The following DNAH5 variants were observed in gnomAD, a reference collection of about 807,000 sequenced individuals.
DNAH5 encodes the protein axonemal beta dynein heavy chain 5.
In DNAH5, 372 loss-of-function variants were observed where a neutral mutation model predicts 518.2. The ratio of observed to expected loss-of-function variants is 0.72; its 90% confidence interval spans 0.66 to 0.78. The LOEUF is 0.78. Ranked by LOEUF, DNAH5 falls within the 30% of genes least tolerant of loss-of-function variation. DNAH5 has a pLI of 0.00. For synonymous variants in DNAH5, 2,039 were observed against 2,025.9 expected (o/e 1.01, Z -0.17); for missense variants, 5,523 against 5,687.0 (o/e 0.97, Z 0.93).
chr5:14,005,678 G>T (rs1424799283), intron 1 of DNAH5, among the ~76,000 whole-genome samples: 1 of 152,142 alleles, frequency 6.6e-6, no homozygotes, highest in Non-Finnish European at 1.5e-5. Context: ...CCAAAAATAT[G>T]GTGTTTTATT....
At position 13,894,795 on chromosome 5, in the gene DNAH5, C is replaced by T. The variant is rs759849155; in HGVS notation, c.2286G>A (p.Val762=). 1.1e-5 allele frequency: 18 copies of T among 1,613,964 alleles called. No homozygotes were observed. Among genetic ancestry groups the T allele is most frequent in the Non-Finnish European group, 1.4e-5 (17 of 1,179,922 alleles). The change falls in exon 16 of 79, where the codon GTG becomes GTA. Residue 762 remains valine (V), a synonymous_variant. Coordinates refer to ENST00000265104, the MANE Select transcript of DNAH5 (RefSeq NM_001369.3). ...CAATGGCAGCAGGTATTTTTGACTT[C>T]ACTCTCTGATATTCAGCTAGCATCA... ...MKMMLAEYQR[V]KSKIPAAIEQ...
intron 22 of DNAH5, among the ~76,000 whole-genome samples, chr5:13,872,063 G>A (rs891472826): frequency 1.3e-5 from 2 of 152,256 alleles, no homozygotes; most frequent in Admixed American, 1.3e-4. Context: ...TTGGAGCTGG[G>A]CCTTAGATCA....
At chr5:13,731,326 T>C (rs1746516214) in intron 68 of DNAH5, among the ~76,000 whole-genome samples, 1 of 152,246 alleles carries the variant, frequency 6.6e-6, no homozygotes, top group Non-Finnish European at 1.5e-5. Flanking sequence ...CCTTAGCAAC[T>C]GTCCATTTTC....
At chr5:13,808,935 G>A in intron 46 of DNAH5, 109 bp downstream of exon 46, 1 of 1,381,010 alleles carries the variant, frequency 7.2e-7, no homozygotes, top group South Asian at 1.2e-5. Flanking sequence ...ACTCCAGCCT[G>A]GGCGACAGAG....
chr5:13,732,319 C>G (rs1746703146), intron 68 of DNAH5, among the ~76,000 whole-genome samples: 1 of 152,186 alleles, frequency 6.6e-6, no homozygotes, highest in South Asian at 2.1e-4. Flanking sequence ...TCATAGAAGA[C>G]CATATTCTCA....
intron 17 of DNAH5, among the ~76,000 whole-genome samples, chr5:13,890,291 C>CA (rs1773021098): frequency 2.6e-5 from 4 of 151,766 alleles, no homozygotes; most frequent in Admixed American, 2.6e-4. Flanking sequence ...CCTGTAGTCC[C>CA]AGCTACTCGG....
At chr5:13,782,198 G>A (rs937262939) in intron 52 of DNAH5, among the ~76,000 whole-genome samples, 17 of 152,170 alleles carry the variant, frequency 1.1e-4, no homozygotes, top group African/African-American at 4.1e-4. Flanking sequence ...ACTGGAAGGG[G>A]TCACTTCTCC....
chr5:13,847,850 T>C (rs1653765525), intron 31 of DNAH5, among the ~76,000 whole-genome samples: 1 of 152,112 alleles, frequency 6.6e-6, no homozygotes, highest in South Asian at 2.1e-4. Context: ...AACTCAGCTG[T>C]AGGTAGTCCA....
intron 1 of DNAH5, among the ~76,000 whole-genome samples, chr5:14,000,783 C>T (rs943144057): frequency 2.0e-5 from 3 of 152,160 alleles, no homozygotes; most frequent in South Asian, 2.1e-4. Flanking sequence ...CCAGCAATCC[C>T]GTTACTGAGT....
intron 34 of DNAH5, among the ~76,000 whole-genome samples, 183 bp from the exon 35 acceptor site, chr5:13,839,711 T>C (rs925657137): frequency 2.0e-5 from 3 of 152,126 alleles, no homozygotes; most frequent in Non-Finnish European, 4.4e-5. Flanking sequence ...AAAAAGAAAC[T>C]AGAAGATATA....
intron 22 of DNAH5, among the ~76,000 whole-genome samples, chr5:13,872,339 GTATAA>G (rs1770244539): frequency 6.6e-6 from 1 of 152,168 alleles, no homozygotes; most frequent in Non-Finnish European, 1.5e-5. Context: ...CACATAAAAT[GTATAA>G]TTCATATAAC....
intron 1 of DNAH5, among the ~76,000 whole-genome samples, chr5:14,002,403 C>T (rs1255719574): frequency 6.6e-6 from 1 of 151,676 alleles, no homozygotes; most frequent in Non-Finnish European, 1.5e-5. Context: ...CATAAATGTA[C>T]TTTTAAAGTT....
In DNAH5 at chr5:13,692,081, G is replaced by A. The variant is rs142036266; in HGVS notation, c.13778C>T (p.Thr4593Met). ...SCPIYKKPVR[T>M]DLNYIAAVDL... ...CACAGCGGCAATGTAGTTCAAGTCC[G>A]TTCGAACTGGCTTCTTATAGATGGG... Residue 4593 changes from threonine (T) to methionine (M), a missense_variant, in exon 79 of 79, where the codon ACG becomes ATG. Physicochemically the swap from Thr to Met is moderately conservative, Grantham distance 81. Around this residue, in one of 3 missense-constraint regions of DNAH5, gnomAD observed 387 missense variants for 430.0 expected, o/e 0.90. Transcript: ENST00000265104. The A allele has an allele frequency of 9.7e-5, 156 of 1,614,060 alleles. No individual in the cohort carries two copies. In the African/African-American group the frequency reaches 1.3e-3, roughly 14 times the overall value.
At chr5:13,821,294 A>G (rs1393033197) in intron 40 of DNAH5, among the ~76,000 whole-genome samples, 3 of 152,250 alleles carry the variant, frequency 2.0e-5, no homozygotes, top group Non-Finnish European at 2.9e-5. Context: ...GGTAATACTT[A>G]CAACTAGAAA....
intron 30 of DNAH5, among the ~76,000 whole-genome samples, chr5:13,859,216 C>T (rs1337338391): frequency 2.6e-5 from 4 of 151,802 alleles, no homozygotes; most frequent in African/African-American, 9.7e-5. Flanking sequence ...TTTTTTTAAC[C>T]CTCTATCTCC....
At chr5:13,747,993 A>C (rs1360855444) in intron 65 of DNAH5, among the ~76,000 whole-genome samples, 5 of 151,406 alleles carry the variant, frequency 3.3e-5, no homozygotes, top group African/African-American at 9.7e-5. Context: ...GTTTTCTTCT[A>C]GGGTTTTTAT....
intron 2 of DNAH5, 134 bp from the exon 3 acceptor site, chr5:13,928,312 C>T: frequency 1.5e-6 from 1 of 653,766 alleles, no homozygotes; most frequent in Non-Finnish European, 2.7e-6. Context: ...TCTAATGTAT[C>T]CTATAAAAAA....
chr5:13,831,887 T>C lies in DNAH5; in HGVS notation c.5883-1112A>G, dbSNP rs1763712539. Among the ~76,000 whole-genome samples, 2 of 152,194 alleles carry C rather than the reference T, an allele frequency of 1.3e-5. 1 individual carries two copies. Among genetic ancestry groups the C allele is most frequent in the South Asian group, 4.1e-4 (2 of 4,826 alleles). ...AACCCTGGAAGGAAGCTACTGTTCC[T>C]TTCCCCCACTGTACAGAGATAAGGA... is the stretch of plus-strand genomic sequence containing the variant. On this transcript the variant is annotated intron_variant, in intron 35 of 78. Transcript: ENST00000265104.
intron 46 of DNAH5, among the ~76,000 whole-genome samples, chr5:13,808,653 T>C (rs1760062468): frequency 6.6e-6 from 1 of 152,184 alleles, no homozygotes; most frequent in African/African-American, 2.4e-5. Context: ...AAACATTTTA[T>C]AATAAATGCA....
Sources: gnomAD v4.1 joint callset for allele counts (sites outside exome capture counted in the v4.1 genomes callset) on GRCh38, gnomAD v4.1.1 for gene constraint, gnomAD v4.1.1 regional missense constraint, MANE v1.5 for transcripts, NCBI Gene and HGNC (gene_info 2026-07-23, HGNC 2026-07-21) for gene names.